The following CNGA3 variants were observed in gnomAD, a reference collection of about 807,000 sequenced individuals.
CNGA3 encodes cyclic nucleotide-gated channel alpha-3.
In CNGA3, 42 loss-of-function variants were observed where a neutral mutation model predicts 46.6. That is an observed-to-expected ratio of 0.90 (90% CI 0.70 to 1.17). The LOEUF (loss-of-function observed/expected upper bound fraction) is 1.17. Among genes scored for constraint, CNGA3 ranks in the 50% most tolerant of loss-of-function variants. The pLI is 0.00. For synonymous variants in CNGA3, 394 were observed against 369.4 expected (o/e 1.07, Z -0.76); for missense variants, 893 against 890.7 (o/e 1.00, Z -0.03).
intron 4 of CNGA3, among the ~76,000 whole-genome samples, chr2:98,382,563 C>T (rs1164640670): frequency 2.6e-5 from 4 of 152,216 alleles, no homozygotes; most frequent in Non-Finnish European, 5.9e-5. Flanking sequence ...GGGGTGTCGC[C>T]TGCCTCAGGC....
In CNGA3 at chr2:98,380,347, G is replaced by C; in HGVS notation, c.388G>C (p.Gly130Arg). 1 of 1,614,072 alleles carries C rather than the reference G, an allele frequency of 6.2e-7. No homozygotes were observed. The highest frequency in any genetic ancestry group is 8.5e-7 in the Non-Finnish European group (1 of 1,179,962). The change falls in exon 4 of 8, where the codon GGG (glycine) becomes CGG (arginine). Residue 130 changes from glycine to arginine, a missense_variant. Gly to Arg is a moderately radical substitution (Grantham distance 125). Around this residue, in one of 3 missense-constraint regions of CNGA3, gnomAD observed 333 missense variants for 290.8 expected, o/e 1.15. Transcript: ENST00000272602. ...NVGSQEPADR[G>R]RSAWPLAKCN... ...GGGCAGCCAGGAGCCAGCAGACAGA[G>C]GGAGAAGGTAAGGAACGGAAAAGAA...
intron 4 of CNGA3, among the ~76,000 whole-genome samples, chr2:98,380,770 G>T (rs553858206): frequency 1.1e-4 from 16 of 152,186 alleles, no homozygotes; most frequent in African/African-American, 3.6e-4. Flanking sequence ...AGGAGCCTTG[G>T]GGGGGTGTCT....
intron 7 of CNGA3, 110 bp downstream of exon 7, chr2:98,392,080 C>A: frequency 2.0e-6 from 2 of 980,590 alleles, no homozygotes; most frequent in Non-Finnish European, 3.2e-6. Flanking sequence ...AGAGGCCAGG[C>A]AGGTCTGGGG....
At chr2:98,354,243 A>AAAT (rs1312140839) in intron 1 of CNGA3, among the ~76,000 whole-genome samples, 2 of 152,042 alleles carry the variant, frequency 1.3e-5, no homozygotes, top group Non-Finnish European at 2.9e-5. Flanking sequence ...GGTTTTTTTC[A>AAAT]AATATTTTCA....
At chr2:98,392,584 GAAAAGAAAAGAAAAA>G (rs1398472726) in intron 7 of CNGA3, among the ~76,000 whole-genome samples, 3 of 149,964 alleles carry the variant, frequency 2.0e-5, no homozygotes, top group African/African-American at 7.5e-5. Context: ...AAAAAGAAAA[GAAAAGAAAAGAAAAA>G]AAAAGAAAAG....
chr2:98,368,768 G>A (rs1692219739), intron 1 of CNGA3, among the ~76,000 whole-genome samples: 1 of 152,220 alleles, frequency 6.6e-6, no homozygotes, highest in South Asian at 2.1e-4. Context: ...AATTTGTTGG[G>A]TAGGGGGCCA....
intron 1 of CNGA3, among the ~76,000 whole-genome samples, chr2:98,353,436 T>C (rs1301019947): frequency 6.6e-6 from 1 of 152,216 alleles, no homozygotes; most frequent in African/African-American, 2.4e-5. Flanking sequence ...TAGGGTTTTA[T>C]TATATCATGG....
chr2:98,394,533 TC>T (rs1367534324), intron 7 of CNGA3, among the ~76,000 whole-genome samples: 1 of 152,204 alleles, frequency 6.6e-6, no homozygotes, highest in Non-Finnish European at 1.5e-5. Context: ...GTGTTATGAA[TC>T]CCCATGTACC....
chr2:98,391,731 G>C, intron 6 of CNGA3, 133 bp from the exon 7 acceptor site: 1 of 784,234 alleles, frequency 1.3e-6, no homozygotes, highest in Non-Finnish European at 2.2e-6. Flanking sequence ...CACTGAGGTA[G>C]TGACACCGCA....
intron 5 of CNGA3, among the ~76,000 whole-genome samples, chr2:98,387,928 T>C (rs1692689822): frequency 6.6e-6 from 1 of 152,208 alleles, no homozygotes; most frequent in Non-Finnish European, 1.5e-5. Flanking sequence ...TTTGGGTCTA[T>C]GTCGTACTAC....
chr2:98,385,372 T>A (rs1187150578), intron 5 of CNGA3, among the ~76,000 whole-genome samples: 1 of 152,242 alleles, frequency 6.6e-6, no homozygotes, highest in Non-Finnish European at 1.5e-5. Flanking sequence ...ATGATTTTAA[T>A]AACCTTTTAT....
At position 98,396,633 on chromosome 2, in the gene CNGA3, C is replaced by A; in HGVS notation, c.1463C>A (p.Ala488Glu). 1 of 1,614,084 alleles carries A rather than the reference C, an allele frequency of 6.2e-7. No individual in the cohort carries two copies. The highest frequency in any genetic ancestry group is 8.5e-7 in the Non-Finnish European group (1 of 1,180,004). The change falls in exon 8 of 8, where the codon GCA becomes GAA. Residue 488 changes from alanine to glutamate, a missense_variant. Ala to Glu is a moderately radical substitution (Grantham distance 107, BLOSUM62 -1). Transcript: ENST00000272602. ...GTTCGCATCTTCCAGGACTGTGAGG[C>A]AGGGCTGCTGGTGGAGCTGGTGCTG... is the stretch of plus-strand genomic sequence containing the variant. ...KKVRIFQDCE[A>E]GLLVELVLKL...
At chr2:98,370,814 G>T (rs1165411979) in intron 2 of CNGA3, among the ~76,000 whole-genome samples, 1 of 152,116 alleles carries the variant, frequency 6.6e-6, no homozygotes, top group East Asian at 1.9e-4. Flanking sequence ...AAACCCTTAT[G>T]TTTCTTTGTT....
At chr2:98,386,714 A>G (rs928010545) in intron 5 of CNGA3, among the ~76,000 whole-genome samples, 1 of 152,216 alleles carries the variant, frequency 6.6e-6, no homozygotes, top group African/African-American at 2.4e-5. Flanking sequence ...GGTCAGAGAA[A>G]GTAAATGGAA....
intron 4 of CNGA3, 86 bp from the exon 5 acceptor site, chr2:98,383,302 G>A (rs1300145567): frequency 3.2e-6 from 4 of 1,243,552 alleles, no homozygotes; most frequent in African/African-American, 2.9e-5. Flanking sequence ...GGATTGGGGG[G>A]TGGGGCATGG....
chr2:98,361,976 G>T (rs1430288592), intron 1 of CNGA3, among the ~76,000 whole-genome samples: 1 of 151,816 alleles, frequency 6.6e-6, no homozygotes, highest in African/African-American at 2.4e-5. Flanking sequence ...CAAAGTGCTG[G>T]GATTACAGGC....
intron 4 of CNGA3, among the ~76,000 whole-genome samples, chr2:98,382,733 T>C (rs549614354): frequency 6.6e-6 from 1 of 152,286 alleles, no homozygotes; most frequent in East Asian, 1.9e-4. Context: ...TAAATAAATA[T>C]CCAGTTTGTG....
chr2:98,349,615 T>C (rs939767162), intron 1 of CNGA3, among the ~76,000 whole-genome samples: 6 of 152,166 alleles, frequency 3.9e-5, no homozygotes, highest in Non-Finnish European at 8.8e-5. Flanking sequence ...ATTTCAGCCA[T>C]CCTGGGGAGA....
intron 3 of CNGA3, 63 bp downstream of exon 3, chr2:98,377,863 G>A: frequency 6.8e-7 from 1 of 1,470,238 alleles, no homozygotes; most frequent in South Asian, 1.3e-5. Context: ...AGAAGGTAGT[G>A]ACCTCTCAGG....
Sources: allele counts gnomAD v4.1 joint callset (sites outside exome capture counted in the v4.1 genomes callset), GRCh38; gene constraint gnomAD v4.1.1; regional missense constraint gnomAD v4.1.1; transcripts MANE v1.5; gene names NCBI Gene and HGNC (gene_info 2026-07-23, HGNC 2026-07-21).